ZFP62: variants seen among roughly 807,000 people sequenced by gnomAD.
The protein encoded by ZFP62 is ZFP62 zinc finger protein.
Under a neutral mutation model 56.4 loss-of-function variants are expected in ZFP62, and 44 were observed. The observed-to-expected ratio is 0.78, with a 90% CI of 0.61 to 1.00. The LOEUF is 1.00. Among genes scored for constraint, ZFP62 ranks in the 50% least tolerant of loss-of-function variants. The pLI is 0.00. For synonymous variants in ZFP62, 421 were observed against 388.9 expected, an observed-to-expected ratio of 1.08 and a Z score of -0.97; for missense variants, 1,030 against 1,085.7, an observed-to-expected ratio of 0.95 and a Z score of 0.72.
the ZFP62 span, among the ~76,000 whole-genome samples, chr5:180,841,292 T>A: frequency 1.5e-5 from 2 of 135,774 alleles, no homozygotes; most frequent in African/African-American, 5.6e-5. Flanking sequence ...TACATATATA[T>A]ACATACACAT....
the ZFP62 span, among the ~76,000 whole-genome samples, chr5:180,837,998 T>C: frequency 1.3e-5 from 2 of 152,188 alleles, no homozygotes; most frequent in Admixed American, 1.3e-4. Context: ...TGTAAAGTTG[T>C]TGAGGATGTT....
the ZFP62 span, among the ~76,000 whole-genome samples, chr5:180,840,944 C>T: frequency 1.3e-5 from 2 of 151,848 alleles, no homozygotes; most frequent in Admixed American, 6.6e-5. Context: ...AGGAAAAAAG[C>T]GTCCAGAAAA....
At chr5:180,833,570 T>G in the ZFP62 span, among the ~76,000 whole-genome samples, 3 of 151,746 alleles carry the variant, frequency 2.0e-5, no homozygotes, top group Non-Finnish European at 4.4e-5. Flanking sequence ...CTGCAACTTG[T>G]AAGATGACCC....
chr5:180,843,914 T>C (rs956984452), downstream of ZFP62, among the ~76,000 whole-genome samples: 1 of 152,254 alleles, frequency 6.6e-6, no homozygotes, highest in Non-Finnish European at 1.5e-5. Flanking sequence ...ACATGGACCA[T>C]GTTTTGTAAC....
chr5:180,828,481 CAGA>C, the ZFP62 span, among the ~76,000 whole-genome samples: 8 of 152,300 alleles, frequency 5.3e-5, no homozygotes, highest in African/African-American at 1.7e-4. Flanking sequence ...GGAGCTGTGG[CAGA>C]AGAACATAAA....
the ZFP62 span, chr5:180,835,571 T>C: frequency 6.6e-6 from 1 of 152,218 alleles, no homozygotes; most frequent in Non-Finnish European, 1.5e-5. Flanking sequence ...TCAATGTGGA[T>C]AATAATTTCT....
In ZFP62 at chr5:180,851,133, T is replaced by A; in HGVS notation, c.362A>T (p.Asn121Ile). ...ACTAGGGTAGGAGGTTCCATTAATG[T>A]TCTCCACACGTTTGCCTTGCTCACT... ...RGSEQGKRVE[N>I]INGTSYPSLQ... The change falls in exon 2 of 2, where the codon AAC (asparagine) becomes ATC (isoleucine). Residue 121 changes from asparagine (N) to isoleucine (I), a missense_variant. Physicochemically the swap from Asn to Ile is moderately radical, Grantham distance 149 (BLOSUM62 -3). Coordinates refer to ENST00000502412, the MANE Select transcript of ZFP62 (RefSeq NM_001172638.2). 6.4e-7 allele frequency: 1 copy of A among 1,551,760 alleles called. No individual in the cohort carries two copies. Among genetic ancestry groups the A allele is most frequent in the Non-Finnish European group, 8.7e-7 (1 of 1,146,996 alleles).
the ZFP62 span, chr5:180,835,821 A>C: frequency 6.6e-6 from 1 of 152,308 alleles, no homozygotes; most frequent in Non-Finnish European, 1.5e-5. Flanking sequence ...ACTTTATTTG[A>C]AATTCTAAAA....
At chr5:180,858,018 C>T (rs1303773027) in intron 1 of ZFP62, among the ~76,000 whole-genome samples, 6 of 149,970 alleles carry the variant, frequency 4.0e-5, no homozygotes, top group Non-Finnish European at 7.4e-5. Flanking sequence ...TTTCGGAGGC[C>T]GAGGCAGGTG....
the ZFP62 span, chr5:180,834,894 T>G: frequency 6.6e-6 from 1 of 152,094 alleles, no homozygotes; most frequent in Non-Finnish European, 1.5e-5. Flanking sequence ...GGGGACACAT[T>G]CAGATCATGG....
downstream of ZFP62, among the ~76,000 whole-genome samples, chr5:180,843,535 G>A (rs1027398960): frequency 2.6e-5 from 4 of 152,142 alleles, no homozygotes; most frequent in Non-Finnish European, 5.9e-5. Context: ...AGAAGCTGAT[G>A]TTATTAATAC....
the ZFP62 span, among the ~76,000 whole-genome samples, chr5:180,836,777 T>C: frequency 2.0e-5 from 3 of 152,172 alleles, no homozygotes; most frequent in African/African-American, 4.8e-5. Context: ...GGCTGGATAG[T>C]GACAACAGAG....
chr5:180,859,918 T>G (rs1774214360), intron 1 of ZFP62, among the ~76,000 whole-genome samples: 1 of 152,244 alleles, frequency 6.6e-6, no homozygotes, highest in African/African-American at 2.4e-5. Context: ...CCTAATACAC[T>G]GTATTGAGTA....
chr5:180,850,138 C>A lies in ZFP62; in HGVS notation c.1357G>T (p.Val453Leu). 6.4e-7 allele frequency: 1 copy of A among 1,551,814 alleles called. No homozygotes were observed. The highest frequency in any genetic ancestry group is 8.7e-7 in the Non-Finnish European group (1 of 1,147,034). Residue 453 changes from valine (V) to leucine (L), a missense_variant, in exon 2 of 2, where the codon GTG becomes TTG. Val to Leu is a conservative substitution (Grantham distance 32, BLOSUM62 1). Coordinates refer to ENST00000502412, the MANE Select transcript of ZFP62 (RefSeq NM_001172638.2). Reference protein sequence around the residue: ...HTGERPYVCDVCGKTFRNNAG... With the variant: ...HTGERPYVCDLCGKTFRNNAG... ...TTGTTTCTGAACGTTTTCCCACACA[C>A]ATCACATACATAAGGTCTCTCTCCG...
At chr5:180,852,820 C>A (rs1261575260) in intron 1 of ZFP62, among the ~76,000 whole-genome samples, 3 of 152,152 alleles carry the variant, frequency 2.0e-5, no homozygotes, top group African/African-American at 7.2e-5. Context: ...ACAAACAATT[C>A]TTTTAAATGG....
At chr5:180,860,912 G>A (rs1774276998) in intron 1 of ZFP62, among the ~76,000 whole-genome samples, 1 of 152,146 alleles carries the variant, frequency 6.6e-6, no homozygotes, top group Non-Finnish European at 1.5e-5. Context: ...ACCGGAGCGG[G>A]GCCCTGGCCC....
chr5:180,840,511 C>T, the ZFP62 span, among the ~76,000 whole-genome samples: 1 of 152,126 alleles, frequency 6.6e-6, no homozygotes, highest in Non-Finnish European at 1.5e-5. Flanking sequence ...GTAATCCCAG[C>T]ACTTTGGGAG....
the ZFP62 span, among the ~76,000 whole-genome samples, chr5:180,829,579 T>G: frequency 1.3e-5 from 2 of 152,212 alleles, no homozygotes; most frequent in African/African-American, 4.8e-5. Context: ...ATATTGGGGG[T>G]GGGTTCCCCC....
intron 1 of ZFP62, among the ~76,000 whole-genome samples, chr5:180,854,917 C>T (rs111933812): frequency 0.1 from 15,820 of 152,012 alleles, 2,042 homozygotes; most frequent in African/African-American, 0.3. Context: ...GGATCTGTAG[C>T]GGAGGGGAAA....
Sources: gnomAD v4.1 joint callset for allele counts (sites outside exome capture counted in the v4.1 genomes callset) on GRCh38, gnomAD v4.1.1 for gene constraint, MANE v1.5 for transcripts, NCBI Gene and HGNC (gene_info 2026-07-23, HGNC 2026-07-21) for gene names.